Variants in AFG2A observed in about 807,000 individuals in gnomAD.
AFG2A encodes the protein ATPase family gene 2 protein homolog A.
the AFG2A span, among the ~76,000 whole-genome samples, chr4:123,115,144 C>T: frequency 6.6e-6 from 1 of 152,004 alleles, no homozygotes. Context: ...GCTGGGCTGC[C>T]GTCCAAGGCA....
At chr4:123,095,077 GTGTGTA>G in the AFG2A span, among the ~76,000 whole-genome samples, 9 of 55,642 alleles carry the variant, frequency 1.6e-4, no homozygotes, top group South Asian at 9.0e-4. Context: ...GTGTGTGTGT[GTGTGTA>G]TATATATATA....
At chr4:122,942,672 G>T in the AFG2A span, among the ~76,000 whole-genome samples, 1 of 151,932 alleles carries the variant, frequency 6.6e-6, no homozygotes, top group East Asian at 1.9e-4. Context: ...CTTGCCTTCT[G>T]CTAGCTTTTG....
At chr4:123,224,501 G>A in the AFG2A span, among the ~76,000 whole-genome samples, 9 of 152,074 alleles carry the variant, frequency 5.9e-5, no homozygotes, top group South Asian at 1.5e-3. Context: ...GAGAATGATG[G>A]TTTCCAGCTT....
chr4:123,256,296 A>G, the AFG2A span: 1 of 1,203,242 alleles, frequency 8.3e-7, no homozygotes, highest in Non-Finnish European at 1.2e-6. Context: ...AGAAATCTTG[A>G]AACAGGAAGT....
the AFG2A span, among the ~76,000 whole-genome samples, chr4:123,071,801 A>G: frequency 6.6e-6 from 1 of 152,342 alleles, no homozygotes; most frequent in South Asian, 2.1e-4. Context: ...AATCTAGTTT[A>G]TCATGTAGGT....
At chr4:122,966,302 T>A in the AFG2A span, among the ~76,000 whole-genome samples, 1 of 152,212 alleles carries the variant, frequency 6.6e-6, no homozygotes, top group East Asian at 1.9e-4. Flanking sequence ...TTACCTATTG[T>A]TCTTTTCTCC....
the AFG2A span, among the ~76,000 whole-genome samples, chr4:123,127,341 T>C: frequency 1.3e-5 from 2 of 152,182 alleles, no homozygotes; most frequent in African/African-American, 2.4e-5. Context: ...ATCATATCAG[T>C]TTTTATAGTT....
the AFG2A span, among the ~76,000 whole-genome samples, chr4:122,925,412 C>G: frequency 6.6e-6 from 1 of 152,160 alleles, no homozygotes; most frequent in Non-Finnish European, 1.5e-5. Context: ...GCTCCCACTG[C>G]TGTCAGAGTA....
the AFG2A span, among the ~76,000 whole-genome samples, chr4:123,184,007 A>G: frequency 6.6e-6 from 1 of 151,910 alleles, no homozygotes; most frequent in South Asian, 2.1e-4. Context: ...TGTTGCCCAG[A>G]CTGGTCTTGA....
the AFG2A span, among the ~76,000 whole-genome samples, chr4:122,943,619 C>A: frequency 2.0e-5 from 3 of 152,032 alleles, no homozygotes; most frequent in Non-Finnish European, 4.4e-5. Flanking sequence ...TTAATTGGAG[C>A]ATTTAGTCCA....
At chr4:123,119,522 A>G in the AFG2A span, among the ~76,000 whole-genome samples, 1 of 152,152 alleles carries the variant, frequency 6.6e-6, no homozygotes, top group African/African-American at 2.4e-5. Context: ...CAAAATTTAT[A>G]TCAAATAGAG....
chr4:122,926,573 A>G, the AFG2A span, among the ~76,000 whole-genome samples: 1 of 152,196 alleles, frequency 6.6e-6, no homozygotes, highest in Non-Finnish European at 1.5e-5. Context: ...AATAATGTAA[A>G]TCATATGGGT....
the AFG2A span, among the ~76,000 whole-genome samples, chr4:122,970,474 ATT>A: frequency 3.6e-5 from 5 of 140,804 alleles, no homozygotes; most frequent in Non-Finnish European, 3.1e-5. Context: ...TAAAAAAAAA[ATT>A]TTTTTTTTTT....
At chr4:123,288,637 C>T in the AFG2A span, among the ~76,000 whole-genome samples, 3 of 152,144 alleles carry the variant, frequency 2.0e-5, no homozygotes, top group Admixed American at 2.0e-4. Flanking sequence ...TATATCTCTT[C>T]CTCTTATTGA....
the AFG2A span, among the ~76,000 whole-genome samples, chr4:123,089,304 G>A: frequency 3.9e-5 from 6 of 152,210 alleles, no homozygotes; most frequent in South Asian, 4.1e-4. Flanking sequence ...TTATACTGAG[G>A]TGTGTTTCTT....
the AFG2A span, among the ~76,000 whole-genome samples, chr4:123,276,222 T>G: frequency 6.6e-6 from 1 of 152,224 alleles, no homozygotes. Flanking sequence ...TTGACTTGCA[T>G]TTCTCTAGTG....
the AFG2A span, among the ~76,000 whole-genome samples, chr4:122,979,804 A>G: frequency 1.3e-5 from 2 of 152,120 alleles, no homozygotes; most frequent in Non-Finnish European, 2.9e-5. Flanking sequence ...CTGAGGTGGG[A>G]GGATCATCTG....
At chr4:123,022,780 C>T in the AFG2A span, among the ~76,000 whole-genome samples, 4 of 151,956 alleles carry the variant, frequency 2.6e-5, no homozygotes, top group African/African-American at 7.3e-5. Context: ...AACTTGGAAC[C>T]AACCCAAATG....
At chr4:122,968,888 A>G in the AFG2A span, among the ~76,000 whole-genome samples, 2 of 151,988 alleles carry the variant, frequency 1.3e-5, no homozygotes, top group Admixed American at 6.6e-5. Context: ...AGTACTTTTT[A>G]TATTTGAATT....
Sources: gnomAD v4.1 joint callset for allele counts (sites outside exome capture counted in the v4.1 genomes callset) on GRCh38, gnomAD v4.1.1 for gene constraint, MANE v1.5 for transcripts, NCBI Gene and HGNC (gene_info 2026-07-23, HGNC 2026-07-21) for gene names.